Variants in NPFFR2 observed in about 807,000 individuals in gnomAD.
NPFFR2 encodes the protein G-protein coupled receptor 74.
A neutral mutation model predicts 13.1 loss-of-function variants in NPFFR2; 15 were observed. The ratio of observed to expected loss-of-function variants is 1.15; its 90% CI spans 0.77 to 1.76. The LOEUF is 1.76. NPFFR2 is among the 40% of genes most tolerant of loss of function. The pLI is 0.00. For missense variants in NPFFR2, 572 were observed against 503.5 expected, an observed-to-expected ratio of 1.14 and a Z score of -1.30; for synonymous variants, 190 against 175.7, an observed-to-expected ratio of 1.08 and a Z score of -0.65.
chr4:72,079,957 C>T (rs969426697), intron 1 of NPFFR2, among the ~76,000 whole-genome samples: 1 of 152,064 alleles, frequency 6.6e-6, no homozygotes, highest in Non-Finnish European at 1.5e-5. Flanking sequence ...AACCAACTTC[C>T]CCTCTTCCCT....
intron 1 of NPFFR2, among the ~76,000 whole-genome samples, chr4:72,061,333 T>C (rs971213876): frequency 1.4e-4 from 21 of 152,208 alleles, no homozygotes; most frequent in Non-Finnish European, 7.3e-5. Flanking sequence ...CTAAAGAAGT[T>C]ACTTGTTTCC....
Position 72,108,181 on chromosome 4 carries a change from A to G in NPFFR2, c.-7-20404A>G, listed in dbSNP as rs112153166. Reference sequence around the variant, plus strand: ...AGGGTTCAGTCTATAAAATATCTCTATTTTATACAGTTTGTATGACAGTTT... The same window carrying G: ...AGGGTTCAGTCTATAAAATATCTCTGTTTTATACAGTTTGTATGACAGTTT... On this transcript the variant is annotated intron_variant, in intron 1 of 3. Coordinates refer to ENST00000308744, the MANE Select transcript of NPFFR2 (RefSeq NM_004885.3). 3.0e-3 allele frequency among the ~76,000 whole-genome samples: 451 copies of G among 152,088 alleles called. 3 individuals carry two copies. Among genetic ancestry groups the G allele is most frequent in the African/African-American group, 9.8e-3 (408 of 41,526 alleles).
chr4:72,143,264 C>T (rs1281184113), intron 3 of NPFFR2, among the ~76,000 whole-genome samples: 1 of 152,150 alleles, frequency 6.6e-6, no homozygotes, highest in Non-Finnish European at 1.5e-5. Flanking sequence ...ACTGAGAAAT[C>T]TCAGAATATG....
rs536193016 is a variant in NPFFR2 at position 72,067,626 on chromosome 4, G to T, written c.-8+35426G>T. Among the ~76,000 whole-genome samples, 451 of 151,992 alleles carry T rather than the reference G, an allele frequency of 3.0e-3. 2 individuals carry two copies. The highest frequency in any genetic ancestry group is 0.011 in the African/African-American group (443 of 41,404). On this transcript the variant is annotated intron_variant, in intron 1 of 3. Transcript: ENST00000308744. ...GTTTTAACTATAAATTCCTTCTTCA[G>T]TTTTTTTTCTCTCTTCTCACATTTT...
chr4:72,117,251 T>G (rs550801814), intron 1 of NPFFR2, among the ~76,000 whole-genome samples: 9 of 152,310 alleles, frequency 5.9e-5, no homozygotes, highest in Admixed American at 4.6e-4. Flanking sequence ...TCGGCTGTCC[T>G]TCCAATTATC....
At chr4:72,045,238 A>G (rs1490304079) in intron 1 of NPFFR2, among the ~76,000 whole-genome samples, 3 of 152,264 alleles carry the variant, frequency 2.0e-5, no homozygotes, top group Non-Finnish European at 4.4e-5. Context: ...GGATAAATAC[A>G]CAGTAGTGAG....
At chr4:72,134,143 T>A (rs1406205297) in intron 2 of NPFFR2, among the ~76,000 whole-genome samples, 1 of 152,220 alleles carries the variant, frequency 6.6e-6, no homozygotes, top group East Asian at 1.9e-4. Context: ...CGTGCACCTG[T>A]AATTCCAGCC....
At chr4:72,128,347 A>G (rs1232883073) in intron 1 of NPFFR2, among the ~76,000 whole-genome samples, 1 of 152,234 alleles carries the variant, frequency 6.6e-6, no homozygotes, top group African/African-American at 2.4e-5. Flanking sequence ...TAGAAATAAA[A>G]TATAATAATA....
At chr4:72,104,945 G>C (rs1391514703) in intron 1 of NPFFR2, among the ~76,000 whole-genome samples, 1 of 146,526 alleles carries the variant, frequency 6.8e-6, no homozygotes, top group Non-Finnish European at 1.5e-5. Flanking sequence ...AGAAACATAT[G>C]TACATAAAGA....
intron 1 of NPFFR2, among the ~76,000 whole-genome samples, chr4:72,055,331 T>C (rs1306836409): frequency 6.6e-6 from 1 of 151,914 alleles, no homozygotes; most frequent in Non-Finnish European, 1.5e-5. Flanking sequence ...ATTGCATCTG[T>C]GAACATGATC....
rs1229809255 is a variant in NPFFR2 at position 72,147,486 on chromosome 4, T to A, written c.937T>A (p.Tyr313Asn). 6.2e-7 allele frequency: 1 copy of A among 1,614,208 alleles called. No homozygotes were observed. Residue 313 changes from tyrosine to asparagine, a missense_variant, in exon 4 of 4, where the codon TAC becomes AAC. By Grantham distance (143) the Tyr-to-Asn change is moderately radical (BLOSUM62 -2). Transcript: ENST00000308744. ...AAATGAACTGCAGATCATCAACATC[T>A]ACATCTACCCTTTTGCACACTGGCT... ...SPNELQIINI[Y>N]IYPFAHWLAF... is the part of the protein sequence containing the mutation.
chr4:72,104,265 C>T (rs1721351264), intron 1 of NPFFR2, among the ~76,000 whole-genome samples: 1 of 151,996 alleles, frequency 6.6e-6, no homozygotes, highest in South Asian at 2.1e-4. Context: ...GTAAGCTCTC[C>T]TTGATGATGA....
chr4:72,128,259 G>A (rs1273651553), intron 1 of NPFFR2, among the ~76,000 whole-genome samples: 1 of 151,972 alleles, frequency 6.6e-6, no homozygotes, highest in Non-Finnish European at 1.5e-5. Flanking sequence ...GATACCTGGA[G>A]GTAGAGGGAA....
chr4:72,109,967 C>T (rs1035879190), intron 1 of NPFFR2, among the ~76,000 whole-genome samples: 2 of 151,978 alleles, frequency 1.3e-5, no homozygotes, highest in Admixed American at 6.6e-5. Context: ...AGACACAGAA[C>T]ATGCAGCAAT....
chr4:72,148,114 C>T lies in NPFFR2; in HGVS notation c.*302C>T. 1 of 260,558 alleles carries T rather than the reference C, an allele frequency of 3.8e-6. No homozygotes were observed. The highest frequency in any genetic ancestry group is 7.2e-6 in the Non-Finnish European group (1 of 138,862). The allele number at this position is 260,558 out of a possible 1,614,324, so 16.1% of individuals were successfully genotyped here. ...CCATTTGTGTATGCGTCAAATCAAGCCTGCACGCGTGCGTGCATGTGTGTG... is the reference window on the plus strand; with the variant it reads ...CCATTTGTGTATGCGTCAAATCAAGTCTGCACGCGTGCGTGCATGTGTGTG... On this transcript the variant is annotated 3_prime_UTR_variant, in exon 4 of 4. Coordinates refer to ENST00000308744, the MANE Select transcript of NPFFR2 (RefSeq NM_004885.3).
intron 1 of NPFFR2, among the ~76,000 whole-genome samples, chr4:72,043,665 A>G (rs529676134): frequency 6.6e-6 from 1 of 152,326 alleles, no homozygotes; most frequent in South Asian, 2.1e-4. Context: ...AATTTATCCC[A>G]TGTGAAATGG....
At chr4:72,078,206 T>C (rs1368507934) in intron 1 of NPFFR2, among the ~76,000 whole-genome samples, 1 of 152,090 alleles carries the variant, frequency 6.6e-6, no homozygotes, top group Non-Finnish European at 1.5e-5. Flanking sequence ...GTTGAAAATA[T>C]TGGATTAGAA....
At chr4:72,091,031 T>C (rs1720905278) in intron 1 of NPFFR2, among the ~76,000 whole-genome samples, 1 of 152,066 alleles carries the variant, frequency 6.6e-6, no homozygotes, top group African/African-American at 2.4e-5. Flanking sequence ...CGTTAATCTA[T>C]TTTAATCATA....
intron 1 of NPFFR2, among the ~76,000 whole-genome samples, chr4:72,120,475 C>A (rs1410509169): frequency 6.6e-6 from 1 of 152,192 alleles, no homozygotes; most frequent in Non-Finnish European, 1.5e-5. Flanking sequence ...CACCTCCCAG[C>A]AAGGGTTGAC....
Sources: allele counts gnomAD v4.1 joint callset (sites outside exome capture counted in the v4.1 genomes callset), GRCh38; gene constraint gnomAD v4.1.1; transcripts MANE v1.5; gene names NCBI Gene and HGNC (gene_info 2026-07-23, HGNC 2026-07-21).